The following GPHN variants were observed in gnomAD, a reference collection of about 807,000 sequenced individuals.
GPHN encodes gephyrin.
GPHN carries 17 observed loss-of-function variants against 95.5 expected under a neutral mutation model. The ratio of observed to expected loss-of-function variants is 0.18; its 90% CI spans 0.12 to 0.27. The LOEUF (loss-of-function observed/expected upper bound fraction) is 0.27, where lower values mean the gene tolerates loss of function less well. GPHN is among the 10% of genes least tolerant of loss of function. The pLI is 1.00. For missense variants in GPHN, 660 were observed against 978.1 expected (o/e 0.67, Z 4.34); for synonymous variants, 320 against 322.5 (o/e 0.99, Z 0.08).
chr14:67,070,302 G>A (rs61990913), intron 11 of GPHN, among the ~76,000 whole-genome samples: 94 of 145,516 alleles, frequency 6.5e-4, no homozygotes, highest in Non-Finnish European at 1.2e-3. Flanking sequence ...GTGTGTGTGT[G>A]TATATATATA....
intron 1 of GPHN, among the ~76,000 whole-genome samples, chr14:66,512,360 G>A (rs1159880074): frequency 6.6e-6 from 1 of 151,770 alleles, no homozygotes; most frequent in African/African-American, 2.4e-5. Flanking sequence ...ATGACTACAT[G>A]TATGTATAGA....
intron 8 of GPHN, among the ~76,000 whole-genome samples, chr14:66,948,147 G>A (rs1006174978): frequency 6.6e-6 from 1 of 152,044 alleles, no homozygotes; most frequent in South Asian, 2.1e-4. Flanking sequence ...ATTTCAGCAA[G>A]AGTATACCTT....
the GPHN span, chr14:67,555,687 C>T: frequency 8.0e-7 from 1 of 1,244,970 alleles, no homozygotes; most frequent in Non-Finnish European, 1.1e-6. Context: ...CTTACCCTGA[C>T]ACTCTCGAGC....
At chr14:66,943,580 T>C (rs1347097658) in intron 8 of GPHN, among the ~76,000 whole-genome samples, 3 of 152,210 alleles carry the variant, frequency 2.0e-5, no homozygotes, top group Non-Finnish European at 4.4e-5. Flanking sequence ...ACATCTGCTT[T>C]TTACCAATAT....
intron 4 of GPHN, among the ~76,000 whole-genome samples, chr14:66,860,315 C>T (rs1349603054): frequency 6.6e-6 from 1 of 152,046 alleles, no homozygotes; most frequent in East Asian, 1.9e-4. Context: ...AAGAAAGTGG[C>T]ATGACATATT....
At chr14:66,526,832 A>G (rs892377897) in intron 1 of GPHN, among the ~76,000 whole-genome samples, 3 of 152,156 alleles carry the variant, frequency 2.0e-5, no homozygotes, top group African/African-American at 7.2e-5. Flanking sequence ...AGCTGACTTG[A>G]TCATGGTGGA....
At chr14:66,704,736 C>T (rs893342163) in intron 2 of GPHN, among the ~76,000 whole-genome samples, 7 of 152,064 alleles carry the variant, frequency 4.6e-5, no homozygotes, top group East Asian at 1.9e-4. Flanking sequence ...GACACCCTAT[C>T]GTCACAATTT....
the GPHN span, among the ~76,000 whole-genome samples, chr14:67,703,926 C>T: frequency 0.44 from 66,728 of 152,040 alleles, 17,600 homozygotes; most frequent in Non-Finnish European, 0.61. Flanking sequence ...GTTCTTCCCA[C>T]CTCAGCATCC....
chr14:67,166,777 C>T (rs1476198219), intron 20 of GPHN, among the ~76,000 whole-genome samples: 1 of 152,208 alleles, frequency 6.6e-6, no homozygotes, highest in Non-Finnish European at 1.5e-5. Flanking sequence ...TCAAGCCGTT[C>T]TCCCACCTCA....
chr14:67,325,441 C>G, the GPHN span, among the ~76,000 whole-genome samples: 4 of 152,086 alleles, frequency 2.6e-5, no homozygotes, highest in African/African-American at 9.7e-5. Flanking sequence ...CCGCCATATA[C>G]CTACAAATTC....
chr14:67,271,029 A>G, the GPHN span: 1 of 152,216 alleles, frequency 6.6e-6, no homozygotes, highest in Admixed American at 6.5e-5. Flanking sequence ...AGATATAGCT[A>G]GAAATCTTGG....
chr14:66,604,769 T>C (rs2062433996), intron 1 of GPHN, among the ~76,000 whole-genome samples: 1 of 152,162 alleles, frequency 6.6e-6, no homozygotes, highest in Admixed American at 6.5e-5. Context: ...TGCATGATGC[T>C]GAGGTTTGGG....
At chr14:67,647,096 C>CAGCAGCT in the GPHN span, 2 of 988,284 alleles carry the variant, frequency 2.0e-6, no homozygotes, top group Admixed American at 4.1e-5. Flanking sequence ...TTCTTGAGGA[C>CAGCAGCT]AGCAGCTTTA....
intron 4 of GPHN, among the ~76,000 whole-genome samples, chr14:66,828,411 A>G (rs934633940): frequency 6.6e-6 from 1 of 152,088 alleles, no homozygotes; most frequent in African/African-American, 2.4e-5. Flanking sequence ...GTCTGTTTTG[A>G]TAGTTGTATC....
At chr14:67,097,159 A>G (rs1567326180) in intron 12 of GPHN, among the ~76,000 whole-genome samples, 1 of 152,182 alleles carries the variant, frequency 6.6e-6, no homozygotes, top group Non-Finnish European at 1.5e-5. Context: ...AGAAGCCATA[A>G]TTGATTTCAG....
chr14:67,036,159 T>C (rs1440283597), intron 10 of GPHN, among the ~76,000 whole-genome samples: 1 of 151,830 alleles, frequency 6.6e-6, no homozygotes, highest in African/African-American at 2.4e-5. Context: ...GAAAATGCAT[T>C]TTAGAAAATT....
At chr14:67,708,050 C>T in the GPHN span, among the ~76,000 whole-genome samples, 803 of 152,264 alleles carry the variant, frequency 5.3e-3, 6 homozygotes, top group African/African-American at 0.013. Context: ...ACTGCACTTA[C>T]GTAAATAGCT....
At chr14:67,392,925 G>A in the GPHN span, 1 of 1,274,080 alleles carries the variant, frequency 7.8e-7, no homozygotes, top group Admixed American at 2.2e-5. Flanking sequence ...TGACCTCACT[G>A]ACCTTGGCCC....
the GPHN span, among the ~76,000 whole-genome samples, chr14:67,602,679 TATGA>T: frequency 1.3e-5 from 2 of 152,214 alleles, no homozygotes; most frequent in Admixed American, 1.3e-4. Flanking sequence ...TTCTTTTGAT[TATGA>T]ATATGGGCAA....
Sources: allele counts gnomAD v4.1 joint callset (sites outside exome capture counted in the v4.1 genomes callset), GRCh38; gene constraint gnomAD v4.1.1; transcripts MANE v1.5; gene names NCBI Gene and HGNC (gene_info 2026-07-23, HGNC 2026-07-21).